Variants in LRRTM4 observed in about 807,000 individuals in gnomAD.
LRRTM4 encodes the protein leucine rich repeat transmembrane neuronal 4, also known as leucine-rich repeat transmembrane neuronal protein 4.
LRRTM4 carries 25 observed loss-of-function variants against 47.6 expected under a neutral mutation model. That is an observed-to-expected ratio of 0.53 (90% CI 0.38 to 0.73). LRRTM4 has a LOEUF of 0.73. LRRTM4 is among the 30% of genes least tolerant of loss of function. The pLI, the probability that LRRTM4 is intolerant of heterozygous loss-of-function variation, is 0.00. For missense variants in LRRTM4, 638 were observed against 713.4 expected (o/e 0.89, Z 1.20); for synonymous variants, 311 against 269.5 (o/e 1.15, Z -1.51).
chr2:77,287,216 G>C (rs530594131), intron 3 of LRRTM4, among the ~76,000 whole-genome samples: 1 of 152,022 alleles, frequency 6.6e-6, no homozygotes, highest in East Asian at 1.9e-4. Flanking sequence ...TGGAAATTCA[G>C]GGAGAGAACT....
chr2:77,505,873 C>T (rs930961274), intron 3 of LRRTM4, among the ~76,000 whole-genome samples: 3 of 151,348 alleles, frequency 2.0e-5, no homozygotes, highest in African/African-American at 4.8e-5. Flanking sequence ...TTGAAAAATG[C>T]AGAGATTTCA....
At position 77,429,864 on chromosome 2, in the gene LRRTM4, G is replaced by A. The variant is rs571418518; in HGVS notation, c.1551+88454C>T. Among the ~76,000 whole-genome samples, 16 of 152,208 alleles carry A rather than the reference G, an allele frequency of 1.1e-4. 1 individual carries two copies. The highest frequency in any genetic ancestry group is 6.2e-4 in the South Asian group (3 of 4,826). Reference sequence around the variant, plus strand: ...GTGGATTGTTTTAAGTCAGGAGTTCGAGACTAGCCTGACCAACATGGTGAA... The same window carrying A: ...GTGGATTGTTTTAAGTCAGGAGTTCAAGACTAGCCTGACCAACATGGTGAA... On this transcript the variant is annotated intron_variant, in intron 3 of 3. Coordinates refer to ENST00000409884, the MANE Select transcript of LRRTM4 (RefSeq NM_001134745.3).
intron 3 of LRRTM4, among the ~76,000 whole-genome samples, chr2:76,861,669 G>C (rs1199513701): frequency 6.6e-6 from 1 of 152,068 alleles, no homozygotes; most frequent in Admixed American, 6.6e-5. Flanking sequence ...ATAAAAGTAT[G>C]GTCTCACCTT....
chr2:76,905,840 A>C (rs1360849770), intron 3 of LRRTM4, among the ~76,000 whole-genome samples: 1 of 152,210 alleles, frequency 6.6e-6, no homozygotes, highest in African/African-American at 2.4e-5. Flanking sequence ...GAAATATGGG[A>C]CTTTGTGAAA....
At position 77,515,448 on chromosome 2, in the gene LRRTM4, G is replaced by C. The variant is rs1679170898; in HGVS notation, c.1551+2870C>G. Among the ~76,000 whole-genome samples, 3 of 151,816 alleles carry C rather than the reference G, an allele frequency of 2.0e-5. No individual in the cohort carries two copies. In the South Asian group the frequency reaches 6.2e-4, roughly 31 times the overall value. On this transcript the variant is annotated intron_variant, in intron 3 of 3. Transcript: ENST00000409884. The stretch of plus-strand genomic sequence containing the variant: ...GATATTGTAACCATATTTAGGTCAT[G>C]GTAACTGAATATAAAGTTAGGTGGA...
chr2:77,178,032 A>G (rs1255317359), intron 3 of LRRTM4, among the ~76,000 whole-genome samples: 1 of 152,196 alleles, frequency 6.6e-6, no homozygotes, highest in Non-Finnish European at 1.5e-5. Flanking sequence ...GACCTCCTTC[A>G]TACTCTTCTT....
intron 3 of LRRTM4, among the ~76,000 whole-genome samples, chr2:77,103,265 T>C (rs938316043): frequency 6.6e-6 from 1 of 152,108 alleles, no homozygotes. Context: ...TAAAAATATG[T>C]TTACCGCAGA....
chr2:77,506,282 A>G (rs1678768535), intron 3 of LRRTM4, among the ~76,000 whole-genome samples: 1 of 151,746 alleles, frequency 6.6e-6, no homozygotes, highest in African/African-American at 2.4e-5. Context: ...ACACTAAAGT[A>G]TGTTTTAAAT....
rs367600383 is a variant in LRRTM4, at chr2:76,982,306, A to G, written c.1552-233390T>C. 1.1e-4 allele frequency among the ~76,000 whole-genome samples: 17 copies of G among 152,158 alleles called. No homozygotes were observed. The East Asian group carries it at 2.5e-3, about 23-fold the overall frequency. On this transcript the variant is annotated intron_variant, in intron 3 of 3. Transcript: ENST00000409884. ...TCTAGAAAGTTTCCGTGTCATATCA[A>G]AACAACTATATATTTCACTCTGACA...
At chr2:76,819,815 T>C (rs1671004002) in intron 3 of LRRTM4, among the ~76,000 whole-genome samples, 1 of 151,948 alleles carries the variant, frequency 6.6e-6, no homozygotes, top group Admixed American at 6.6e-5. Context: ...TCATCCTTCC[T>C]TCCTCAAGTT....
At chr2:77,452,583 C>T (rs1481689005) in intron 3 of LRRTM4, among the ~76,000 whole-genome samples, 1 of 152,230 alleles carries the variant, frequency 6.6e-6, no homozygotes, top group African/African-American at 2.4e-5. Flanking sequence ...GATGTGCAAC[C>T]TGCACGTGAC....
At chr2:77,438,924 T>C (rs1675720364) in intron 3 of LRRTM4, among the ~76,000 whole-genome samples, 1 of 152,150 alleles carries the variant, frequency 6.6e-6, no homozygotes. Flanking sequence ...TTAGACCTTG[T>C]TATGGGGGCA....
At chr2:76,888,206 C>G (rs1307644614) in intron 3 of LRRTM4, among the ~76,000 whole-genome samples, 2 of 150,700 alleles carry the variant, frequency 1.3e-5, no homozygotes, top group Non-Finnish European at 3.0e-5. Flanking sequence ...TGAATGTATT[C>G]TTGGAATAAC....
In LRRTM4 at chr2:76,805,453, T is replaced by C. The variant is rs575607705; in HGVS notation, c.1552-56537A>G. ...GAAATATTCAGGGGCTCAAGTAACA[T>C]ATATTTAAACATATTGAAGATTTGC... On this transcript the variant is annotated intron_variant, in intron 3 of 3. Transcript: ENST00000409884. 3.9e-5 allele frequency among the ~76,000 whole-genome samples: 6 copies of C among 152,136 alleles called. No homozygotes were observed. The South Asian group carries it at 1.0e-3, about 26-fold the overall frequency.
intron 3 of LRRTM4, among the ~76,000 whole-genome samples, chr2:76,935,975 G>A (rs953552965): frequency 1.2e-4 from 19 of 152,116 alleles, no homozygotes; most frequent in African/African-American, 3.9e-4. Flanking sequence ...TTGGCTATGA[G>A]TTTACACTGT....
chr2:77,407,336 T>C (rs1290988321), intron 3 of LRRTM4, among the ~76,000 whole-genome samples: 2 of 151,896 alleles, frequency 1.3e-5, no homozygotes, highest in African/African-American at 2.4e-5. Flanking sequence ...TATTTTTATA[T>C]GTATGAGATG....
chr2:77,274,732 C>G (rs542183349), intron 3 of LRRTM4, among the ~76,000 whole-genome samples: 4 of 152,058 alleles, frequency 2.6e-5, no homozygotes, highest in Admixed American at 2.0e-4. Flanking sequence ...ATTCCAACAT[C>G]GACTAAAACC....
chr2:76,903,380 C>G (rs924441876), intron 3 of LRRTM4, among the ~76,000 whole-genome samples: 3 of 150,390 alleles, frequency 2.0e-5, no homozygotes, highest in African/African-American at 4.9e-5. Context: ...ACTAAAAATA[C>G]AAAAATTTAG....
At chr2:76,924,815 C>T (rs1674538672) in intron 3 of LRRTM4, among the ~76,000 whole-genome samples, 1 of 151,982 alleles carries the variant, frequency 6.6e-6, no homozygotes, top group African/African-American at 2.4e-5. Flanking sequence ...TGCCTTAGTT[C>T]ACCACATGTG....
Sources: allele counts gnomAD v4.1 joint callset (sites outside exome capture counted in the v4.1 genomes callset), GRCh38; gene constraint gnomAD v4.1.1; transcripts MANE v1.5; gene names NCBI Gene and HGNC (gene_info 2026-07-23, HGNC 2026-07-21).